Variants in RFXANK observed in about 807,000 individuals in gnomAD.
RFXANK encodes DNA-binding protein RFXANK.
A neutral mutation model predicts 34.5 loss-of-function variants in RFXANK; 19 were observed. The ratio of observed to expected loss-of-function variants is 0.55; its 90% CI spans 0.38 to 0.81. The LOEUF is 0.81. Among genes scored for constraint, RFXANK ranks in the 30% least tolerant of loss-of-function variants. The pLI, the probability that RFXANK is intolerant of heterozygous loss-of-function variation, is 0.00. For missense variants in RFXANK, 295 were observed against 343.5 expected, an observed-to-expected ratio of 0.86 and a Z score of 1.12; for synonymous variants, 154 against 149.8, an observed-to-expected ratio of 1.03 and a Z score of -0.20.
intron 1 of RFXANK, 115 bp downstream of exon 1, chr19:19,192,669 C>T (rs1484201740): frequency 6.5e-6 from 1 of 154,408 alleles, no homozygotes; most frequent in Non-Finnish European, 1.4e-5. Context: ...CTGGAAAAAT[C>T]TGTGGGCAGG....
Position 19,197,057 on chromosome 19 carries a change from C to G in RFXANK, c.271+11C>G, listed in dbSNP as rs1308768348. On this transcript the variant is annotated intron_variant, in intron 4 of 9. Coordinates refer to ENST00000303088, the MANE Select transcript of RFXANK (RefSeq NM_003721.4). ...CGGCCACCCTAGACTGTGAGTGGGC[C>G]CACGGTCCCCAACAAGGAGAGGAGT... 1 of 1,613,410 alleles carries G rather than the reference C, an allele frequency of 6.2e-7. No homozygotes were observed. Among genetic ancestry groups the G allele is most frequent in the Admixed American group, 1.7e-5 (1 of 60,006 alleles).
At chr19:19,193,453 C>T (rs1599772306) in intron 2 of RFXANK, among the ~76,000 whole-genome samples, 2 of 124,312 alleles carry the variant, frequency 1.6e-5, no homozygotes, top group South Asian at 2.7e-4. Context: ...GAGTCTTGCT[C>T]TGTCGCCCCA....
At chr19:19,200,500 CAG>C (rs1049036143) in intron 9 of RFXANK, among the ~76,000 whole-genome samples, 1 of 151,358 alleles carries the variant, frequency 6.6e-6, no homozygotes, top group African/African-American at 2.4e-5. Context: ...TTAGAAGAGA[CAG>C]GGTCTCGCTA....
chr19:19,198,723 G>A lies in RFXANK; in HGVS notation c.631G>A (p.Ala211Thr), dbSNP rs1277340509. The A allele has an allele frequency of 9.3e-6, 15 of 1,613,950 alleles. No individual in the cohort carries two copies. Among genetic ancestry groups the A allele is most frequent in the Non-Finnish European group, 1.3e-5 (15 of 1,180,036 alleles). Residue 211 changes from alanine to threonine, a missense_variant and splice_region_variant, in exon 8 of 10, where the codon GCC (alanine) becomes ACC (threonine). Physicochemically the swap from Ala to Thr is moderately conservative, Grantham distance 58. Transcript: ENST00000303088. ...CGTGAAATGCGTTGAGGCCTTGCTGGGTGAGTGGGAGTCGGGAGTGGCCCT... is the reference window on the plus strand; with the variant it reads ...CGTGAAATGCGTTGAGGCCTTGCTGAGTGAGTGGGAGTCGGGAGTGGCCCT... ...NHVKCVEALLARGADLTTEAD... is the reference protein window; with the variant it reads ...NHVKCVEALLTRGADLTTEAD...
At chr19:19,194,432 CA>C (rs2060560684) in intron 3 of RFXANK, among the ~76,000 whole-genome samples, 1 of 152,152 alleles carries the variant, frequency 6.6e-6, no homozygotes, top group Non-Finnish European at 1.5e-5. Flanking sequence ...GACGGGGTTT[CA>C]CCATGTTGGC....
intron 5 of RFXANK, 80 bp from the exon 6 acceptor site, chr19:19,197,441 C>T: frequency 6.9e-7 from 1 of 1,445,068 alleles, no homozygotes; most frequent in Non-Finnish European, 9.6e-7. Flanking sequence ...CCCCAGCCCC[C>T]CACCTCGTCC....
chr19:19,197,927 G>A (rs1409986119), intron 6 of RFXANK, among the ~76,000 whole-genome samples, 180 bp from the exon 7 acceptor site: 3 of 151,962 alleles, frequency 2.0e-5, no homozygotes, highest in Non-Finnish European at 4.4e-5. Flanking sequence ...TGGGAGAACT[G>A]TGTGAACCTG....
At position 19,196,660 on chromosome 19, in the gene RFXANK, T is replaced by C. The variant is rs544416181; in HGVS notation, c.188-303T>C. On this transcript the variant is annotated intron_variant, in intron 3 of 9. Transcript: ENST00000303088. ...CAGGTGGATGATTTGAGGTCAGGAG[T>C]TTGAAATTAGCCTGGCCAACATAGC... is the stretch of plus-strand genomic sequence containing the variant. Among the ~76,000 whole-genome samples, 26 of 148,690 alleles carry C rather than the reference T, an allele frequency of 1.7e-4. No homozygotes were observed. In the South Asian group the frequency reaches 5.4e-3, roughly 31 times the overall value.
chr19:19,195,211 T>G (rs946485331), intron 3 of RFXANK, among the ~76,000 whole-genome samples: 3 of 147,938 alleles, frequency 2.0e-5, no homozygotes, highest in South Asian at 4.3e-4. Context: ...GTCCGTTTTT[T>G]TTTTTTTTTT....
chr19:19,192,559 G>A lies in RFXANK; in HGVS notation c.-150+5G>A, dbSNP rs1440514961. 5.7e-6 allele frequency: 1 copy of A among 175,106 alleles called. No homozygotes were observed. The highest frequency in any genetic ancestry group is 1.6e-4 in the East Asian group (1 of 6,094). The allele number at this position is 175,106 out of a possible 1,614,324, so 10.8% of individuals were successfully genotyped here. A position where few individuals can be genotyped will look rare whatever the true frequency, so the allele number is the denominator to read the frequency against. On this transcript the variant is annotated splice_donor_5th_base_variant and intron_variant, in intron 1 of 9. Coordinates refer to ENST00000303088, the MANE Select transcript of RFXANK (RefSeq NM_003721.4). ...TTGTGGAACGGGACGGCCAAGGTAC[G>A]CTGCCCCTTTAAGTTCCAGACGCCC...
chr19:19,195,167 T>G (rs573512550), intron 3 of RFXANK, among the ~76,000 whole-genome samples: 1 of 149,096 alleles, frequency 6.7e-6, no homozygotes, highest in East Asian at 2.0e-4. Flanking sequence ...CACGCCATTC[T>G]CCTGCTTCAG....
Position 19,201,852 on chromosome 19 carries a change from A to G in RFXANK, c.*133A>G. The stretch of plus-strand genomic sequence containing the variant: ...GACCCTTCCCAAGAGGAACCAATAA[A>G]CCTTCTGTGCAGAATGAGGGACTTT... On this transcript the variant is annotated 3_prime_UTR_variant, in exon 10 of 10. Transcript: ENST00000303088. 1 of 1,611,804 alleles carries G rather than the reference A, an allele frequency of 6.2e-7. No homozygotes were observed. Among genetic ancestry groups the G allele is most frequent in the Non-Finnish European group, 8.5e-7 (1 of 1,178,760 alleles).
intron 3 of RFXANK, among the ~76,000 whole-genome samples, chr19:19,195,338 A>G (rs10401713): frequency 0.25 from 35,813 of 140,774 alleles, 5,695 homozygotes; most frequent in East Asian, 0.48. Flanking sequence ...TTCTTGAGAC[A>G]GAATCTTGCT....
intron 8 of RFXANK, 143 bp downstream of exon 8, chr19:19,198,866 T>TCAGAGGGGAGGAGGTGGTAGGAC (rs1251603419): frequency 5.5e-6 from 5 of 903,870 alleles, no homozygotes; most frequent in African/African-American, 1.6e-5. Flanking sequence ...GGAGGATGGA[T>TCAGAGGGGAGGAGGTGGTAGGAC]CAGAGGGGAG....
chr19:19,201,444 GAA>G, intron 9 of RFXANK: 1 of 1,519,516 alleles, frequency 6.6e-7, no homozygotes, highest in Non-Finnish European at 8.8e-7. Context: ...TATTAATTCT[GAA>G]AAGCTACAAA....
rs201167399 is a variant in RFXANK, at chr19:19,199,126, C to G, written c.632-28C>G. 333 of 1,609,168 alleles carry G rather than the reference C, an allele frequency of 2.1e-4. 2 individuals are homozygous for G. The highest frequency in any genetic ancestry group is 6.2e-5 in the Non-Finnish European group (73 of 1,177,230). ...CCATTCTGGACTCCCAGGCCCCACC[C>G]TCCAGCGCCCTCCCCTCTCCTTTGC... On this transcript the variant is annotated intron_variant, in intron 8 of 9. Transcript: ENST00000303088.
rs369526502 is a variant in RFXANK at position 19,197,215 on chromosome 19, G to T, written c.301G>T (p.Gly101Trp). 1 of 1,613,666 alleles carries T rather than the reference G, an allele frequency of 6.2e-7. No homozygotes were observed. Among genetic ancestry groups the T allele is most frequent in the African/African-American group, 1.3e-5 (1 of 75,038 alleles). The change falls in exon 5 of 10, where the codon GGG (glycine) becomes TGG (tryptophan). Residue 101 changes from glycine to tryptophan, a missense_variant. Transcript: ENST00000303088. ...GTCCATCCACCAGCTCGCAGCACAG[G>T]GGGAGCTGGACCAGCTGAAGGAGCA... ...SLSIHQLAAQ[G>W]ELDQLKEHLR... is the part of the protein sequence containing the mutation.
chr19:19,198,272 G>C lies in RFXANK; in HGVS notation c.564+40G>C, dbSNP rs756942617. The C allele has an allele frequency of 6.8e-6, 11 of 1,612,964 alleles. No individual in the cohort carries two copies. The South Asian group carries it at 8.8e-5, about 13-fold the overall frequency. On this transcript the variant is annotated intron_variant, in intron 7 of 9. Transcript: ENST00000303088. ...ATCCCCAGGACCTCTCAGCCTCCTG[G>C]CCTTCATTCCTGCCTCAAATGTTCA... is the stretch of plus-strand genomic sequence containing the variant.
intron 9 of RFXANK, 62 bp from the exon 10 acceptor site, chr19:19,201,587 C>T: frequency 6.2e-7 from 1 of 1,612,342 alleles, no homozygotes; most frequent in Non-Finnish European, 8.5e-7. Flanking sequence ...GCAGGTTGGC[C>T]TGTGCCTCCA....
Sources: gnomAD v4.1 joint callset for allele counts (sites outside exome capture counted in the v4.1 genomes callset) on GRCh38, gnomAD v4.1.1 for gene constraint, MANE v1.5 for transcripts, NCBI Gene and HGNC (gene_info 2026-07-23, HGNC 2026-07-21) for gene names.